The following RANBP2 variants were observed in gnomAD, a reference collection of about 807,000 sequenced individuals.
RANBP2 encodes RAN binding protein 2, also known as E3 SUMO-protein ligase RanBP2.
In RANBP2, 57 loss-of-function variants were observed where a neutral mutation model predicts 303.6. That is an observed-to-expected ratio of 0.19 (90% CI 0.15 to 0.23). The LOEUF is 0.23. Among genes scored for constraint, RANBP2 ranks in the 10% least tolerant of loss-of-function variants. The pLI is 1.00. For synonymous variants in RANBP2, 1,167 were observed against 1,301.5 expected (o/e 0.90, Z 2.23); for missense variants, 3,138 against 3,780.8 (o/e 0.83, Z 4.46).
At chr2:109,394,753 AC>A in the RANBP2 span, among the ~76,000 whole-genome samples, 10 of 152,244 alleles carry the variant, frequency 6.6e-5, no homozygotes, top group East Asian at 1.9e-3. Context: ...TCCAGATGGC[AC>A]CTTGGTGGGA....
the RANBP2 span, among the ~76,000 whole-genome samples, chr2:109,632,665 C>A: frequency 0.16 from 24,883 of 151,940 alleles, 2,276 homozygotes; most frequent in African/African-American, 0.24. Context: ...ACTAAAAATA[C>A]AAAAATTATC....
the RANBP2 span, among the ~76,000 whole-genome samples, chr2:109,428,265 G>T: frequency 3.9e-5 from 6 of 152,268 alleles, no homozygotes; most frequent in Non-Finnish European, 5.9e-5. Flanking sequence ...GAAAGGGGAT[G>T]AAATTAGCGA....
chr2:109,075,579 C>CA, the RANBP2 span, among the ~76,000 whole-genome samples: 28,845 of 109,304 alleles, frequency 0.26, 4,599 homozygotes, highest in South Asian at 0.41. Context: ...CTTAGACAAA[C>CA]AAAAAAAAAA....
chr2:109,712,480 G>A, the RANBP2 span, among the ~76,000 whole-genome samples: 2 of 152,140 alleles, frequency 1.3e-5, no homozygotes, highest in Non-Finnish European at 2.9e-5. Context: ...CACCCAGGCT[G>A]GAGTACAATA....
the RANBP2 span, among the ~76,000 whole-genome samples, chr2:109,077,361 C>A: frequency 1.7e-4 from 25 of 150,690 alleles, no homozygotes; most frequent in Admixed American, 1.6e-3. Context: ...TTATGATGAT[C>A]TGCTTCCACT....
the RANBP2 span, among the ~76,000 whole-genome samples, chr2:109,548,774 T>TAA: frequency 2.2e-4 from 4 of 17,966 alleles, no homozygotes; most frequent in East Asian, 1.2e-3. Flanking sequence ...AGGCTCCATC[T>TAA]CAAAAAAAAA....
At chr2:109,501,156 G>A in the RANBP2 span, among the ~76,000 whole-genome samples, 1 of 152,030 alleles carries the variant, frequency 6.6e-6, no homozygotes, top group Non-Finnish European at 1.5e-5. Flanking sequence ...CCCCGCCCCT[G>A]CCCCTGGGAG....
the RANBP2 span, chr2:108,906,291 C>CT: frequency 7.9e-5 from 127 of 1,610,296 alleles, no homozygotes; most frequent in Middle Eastern, 1.6e-4. Flanking sequence ...CTCTCCCAGG[C>CT]TTTTTTTTCA....
chr2:108,981,757 G>A, the RANBP2 span, among the ~76,000 whole-genome samples: 1 of 152,190 alleles, frequency 6.6e-6, no homozygotes, highest in East Asian at 1.9e-4. Context: ...CGACAGCAAG[G>A]CGAAGTCCAT....
At chr2:108,926,963 G>A in the RANBP2 span, among the ~76,000 whole-genome samples, 1 of 152,230 alleles carries the variant, frequency 6.6e-6, no homozygotes, top group South Asian at 2.1e-4. Flanking sequence ...GGGCCTCCAG[G>A]GTCCTACCCT....
chr2:109,306,153 C>T, the RANBP2 span, among the ~76,000 whole-genome samples: 15 of 152,324 alleles, frequency 9.8e-5, no homozygotes, highest in South Asian at 1.2e-3. Context: ...ATTGTCAACA[C>T]GTCGCTTATA....
the RANBP2 span, among the ~76,000 whole-genome samples, chr2:109,590,983 C>T: frequency 2.6e-5 from 4 of 152,204 alleles, no homozygotes; most frequent in Non-Finnish European, 4.4e-5. Flanking sequence ...AGATGGGCCA[C>T]GTCTGGCCTT....
At chr2:109,184,590 A>T in the RANBP2 span, among the ~76,000 whole-genome samples, 1 of 152,104 alleles carries the variant, frequency 6.6e-6, no homozygotes, top group Admixed American at 6.5e-5. Flanking sequence ...GGCTTCCCCC[A>T]TCCAGTGCTG....
At chr2:109,555,167 C>T in the RANBP2 span, among the ~76,000 whole-genome samples, 2 of 152,196 alleles carry the variant, frequency 1.3e-5, no homozygotes, top group Non-Finnish European at 2.9e-5. Flanking sequence ...TATCTTTTCT[C>T]ACCACATTAA....
chr2:109,272,759 T>C, the RANBP2 span, among the ~76,000 whole-genome samples: 4 of 152,228 alleles, frequency 2.6e-5, no homozygotes, highest in Non-Finnish European at 5.9e-5. Flanking sequence ...AGAGGATTTA[T>C]GAACCAGCAT....
At chr2:109,477,629 T>G in the RANBP2 span, among the ~76,000 whole-genome samples, 1 of 151,994 alleles carries the variant, frequency 6.6e-6, no homozygotes, top group East Asian at 1.9e-4. Context: ...TGTGTGTGTG[T>G]GTGTGTGTGT....
At chr2:109,736,108 C>G in the RANBP2 span, among the ~76,000 whole-genome samples, 1 of 152,194 alleles carries the variant, frequency 6.6e-6, no homozygotes, top group Non-Finnish European at 1.5e-5. Flanking sequence ...AATTCTAAAA[C>G]ACACACTTCT....
the RANBP2 span, among the ~76,000 whole-genome samples, chr2:109,167,993 G>A: frequency 2.0e-5 from 3 of 152,120 alleles, no homozygotes; most frequent in African/African-American, 7.2e-5. Flanking sequence ...AGTGATACAA[G>A]GTGATCTCTC....
chr2:109,306,310 G>A, the RANBP2 span, among the ~76,000 whole-genome samples: 2 of 152,196 alleles, frequency 1.3e-5, no homozygotes, highest in Non-Finnish European at 2.9e-5. Context: ...TCCACCCTGC[G>A]ATGTTGTTCT....
Sources: gnomAD v4.1 joint callset for allele counts (sites outside exome capture counted in the v4.1 genomes callset) on GRCh38, gnomAD v4.1.1 for gene constraint, MANE v1.5 for transcripts, NCBI Gene and HGNC (gene_info 2026-07-23, HGNC 2026-07-21) for gene names.